The following KLHL7 variants were observed in gnomAD, a reference collection of about 807,000 sequenced individuals.
The protein encoded by KLHL7 is kelch like family member 7, also known as kelch-like protein 7.
A neutral mutation model predicts 67.4 loss-of-function variants in KLHL7; 44 were observed. The observed-to-expected ratio is 0.65, with a 90% CI of 0.51 to 0.84. The LOEUF is 0.84. Ranked by LOEUF, KLHL7 falls within the 40% of genes least tolerant of loss-of-function variation. KLHL7 has a pLI of 0.00. For missense variants in KLHL7, 362 were observed against 718.1 expected, an observed-to-expected ratio of 0.50 and a Z score of 5.67; for synonymous variants, 252 against 243.3, an observed-to-expected ratio of 1.04 and a Z score of -0.33.
intron 7 of KLHL7, among the ~76,000 whole-genome samples, chr7:23,163,329 C>G (rs1368451370): frequency 6.6e-6 from 1 of 152,030 alleles, no homozygotes; most frequent in Non-Finnish European, 1.5e-5. Flanking sequence ...TGCCACCATG[C>G]CCGGCTAATT....
chr7:23,109,748 T>G (rs963934737), intron 1 of KLHL7, among the ~76,000 whole-genome samples: 1 of 152,242 alleles, frequency 6.6e-6, no homozygotes, highest in Non-Finnish European at 1.5e-5. Context: ...TTAATAAGAC[T>G]TCTTGAGCAC....
intron 4 of KLHL7, among the ~76,000 whole-genome samples, chr7:23,136,294 G>C (rs1285920566): frequency 6.6e-6 from 1 of 152,200 alleles, no homozygotes; most frequent in East Asian, 1.9e-4. Flanking sequence ...TCTGAGAAAA[G>C]TATTAGAAGT....
At chr7:23,144,079 G>C in intron 6 of KLHL7, 54 bp downstream of exon 6, 1 of 1,444,032 alleles carries the variant, frequency 6.9e-7, no homozygotes, top group Non-Finnish European at 9.7e-7. Context: ...GTTTCTCATG[G>C]GCTTAAAACC....
chr7:23,166,396 A>G (rs1374855417), intron 8 of KLHL7, among the ~76,000 whole-genome samples: 1 of 152,140 alleles, frequency 6.6e-6, no homozygotes, highest in Non-Finnish European at 1.5e-5. Context: ...CTGTAGTGGT[A>G]TTTATGCTTA....
intron 1 of KLHL7, among the ~76,000 whole-genome samples, chr7:23,111,492 G>A (rs974972414): frequency 2.0e-5 from 3 of 152,160 alleles, no homozygotes; most frequent in African/African-American, 4.8e-5. Flanking sequence ...GCATGTGCAT[G>A]CATGTTTGTA....
At chr7:23,117,922 G>A (rs1451537987) in intron 1 of KLHL7, 1 of 1,613,984 alleles carries the variant, frequency 6.2e-7, no homozygotes, top group African/African-American at 1.3e-5. Flanking sequence ...TGCTGGGAGG[G>A]ACTGATTGCA....
rs1783517852 is a variant in KLHL7, at chr7:23,125,071, T to G, written c.341T>G (p.Val114Gly). 1 of 1,612,358 alleles carries G rather than the reference T, an allele frequency of 6.2e-7. No individual in the cohort carries two copies. Among genetic ancestry groups the G allele is most frequent in the Non-Finnish European group, 8.5e-7 (1 of 1,178,480 alleles). Residue 114 changes from valine to glycine, a missense_variant, in exon 4 of 11, where the codon GTT becomes GGT. Val to Gly is a moderately radical substitution (Grantham distance 109, BLOSUM62 -3). Around this residue, in one of 5 missense-constraint regions of KLHL7, gnomAD observed 155 missense variants for 280.8 expected, o/e 0.55. Transcript: ENST00000339077. ...TARISVNSNN[V>G]QSLLDAANQY... is the part of the protein sequence containing the mutation. Reference sequence around the variant, plus strand: ...AGAATTTCCGTGAATAGCAACAATGTTCAGTCTTTGCTGGATGCAGCAAAC... The same window carrying G: ...AGAATTTCCGTGAATAGCAACAATGGTCAGTCTTTGCTGGATGCAGCAAAC...
chr7:23,135,207 A>G (rs1783934593), intron 4 of KLHL7, among the ~76,000 whole-genome samples: 1 of 152,228 alleles, frequency 6.6e-6, no homozygotes, highest in Non-Finnish European at 1.5e-5. Flanking sequence ...ATTCAGGAGC[A>G]TACTGTATAA....
In KLHL7 at chr7:23,177,261, G is replaced by C. The variant is rs1459899319; in HGVS notation, c.*2963G>C. Reference sequence around the variant, plus strand: ...AAATGTGGCTAGTTTAATTTTTTGAGAGTGAAATATCCATTTATTATATTA... The same window carrying C: ...AAATGTGGCTAGTTTAATTTTTTGACAGTGAAATATCCATTTATTATATTA... On this transcript the variant is annotated 3_prime_UTR_variant, in exon 11 of 11. Coordinates refer to ENST00000339077, the MANE Select transcript of KLHL7 (RefSeq NM_001031710.3). 6.6e-6 allele frequency: 1 copy of C among 152,110 alleles called. No homozygotes were observed. The highest frequency in any genetic ancestry group is 1.5e-5 in the Non-Finnish European group (1 of 68,020). The allele number at this position is 152,110 out of a possible 1,614,324, so 9.4% of individuals were successfully genotyped here.
rs532416002 is a variant in KLHL7 at position 23,106,945 on chromosome 7, T to C, written c.120+799T>C. Among the ~76,000 whole-genome samples the C allele has an allele frequency of 4.6e-5, 7 of 152,056 alleles. No individual in the cohort carries two copies. The South Asian group carries it at 1.0e-3, about 23-fold the overall frequency. Reference sequence around the variant, plus strand: ...TATTTATAGATAATACACATCTAAGTAGATTTGTGGGAATGTTTGGGTTTT... The same window carrying C: ...TATTTATAGATAATACACATCTAAGCAGATTTGTGGGAATGTTTGGGTTTT... On this transcript the variant is annotated intron_variant, in intron 1 of 10. Transcript: ENST00000339077.
chr7:23,155,665 AAAC>A (rs1784681314), intron 7 of KLHL7, among the ~76,000 whole-genome samples: 1 of 147,322 alleles, frequency 6.8e-6, no homozygotes, highest in African/African-American at 2.5e-5. Flanking sequence ...GCAACCAAAA[AAAC>A]AAAACAAAAC....
chr7:23,153,436 C>A (rs1002277010), intron 7 of KLHL7, among the ~76,000 whole-genome samples: 2 of 152,150 alleles, frequency 1.3e-5, no homozygotes, highest in African/African-American at 4.8e-5. Flanking sequence ...CCTTTGGAAC[C>A]TCCGTAAGCC....
intron 7 of KLHL7, among the ~76,000 whole-genome samples, chr7:23,163,632 C>G (rs1784914568): frequency 6.6e-6 from 1 of 152,098 alleles, no homozygotes; most frequent in South Asian, 2.1e-4. Flanking sequence ...GGAAAGCAGT[C>G]TTGAGCTTAG....
intron 1 of KLHL7, among the ~76,000 whole-genome samples, chr7:23,119,608 C>A (rs1783245905): frequency 6.6e-6 from 1 of 152,214 alleles, no homozygotes. Flanking sequence ...TACACCATTA[C>A]AATATCCTAC....
intron 4 of KLHL7, among the ~76,000 whole-genome samples, chr7:23,132,229 A>G (rs1783828163): frequency 6.6e-6 from 1 of 152,176 alleles, no homozygotes; most frequent in Non-Finnish European, 1.5e-5. Context: ...GAAACCTCCA[A>G]GCTATTCTCC....
chr7:23,109,618 C>G (rs1452133687), intron 1 of KLHL7, among the ~76,000 whole-genome samples: 1 of 152,198 alleles, frequency 6.6e-6, no homozygotes, highest in African/African-American at 2.4e-5. Flanking sequence ...ACTGGGCTCA[C>G]CTTCCGGCTA....
intron 1 of KLHL7, among the ~76,000 whole-genome samples, chr7:23,119,778 AT>A (rs199822526): frequency 2.7e-5 from 4 of 148,910 alleles, no homozygotes; most frequent in Admixed American, 2.0e-4. Context: ...ATGACTTGGG[AT>A]TTTTTTTTCA....
intron 1 of KLHL7, among the ~76,000 whole-genome samples, chr7:23,107,975 T>A (rs1782713248): frequency 6.6e-6 from 1 of 152,230 alleles, no homozygotes; most frequent in South Asian, 2.1e-4. Context: ...CAAGGGCAGT[T>A]GATGGGAATT....
intron 7 of KLHL7, among the ~76,000 whole-genome samples, chr7:23,161,450 A>G (rs893116819): frequency 3.3e-5 from 5 of 152,242 alleles, no homozygotes; most frequent in African/African-American, 1.2e-4. Context: ...ATACTCCTGC[A>G]GTGAATTACC....
Sources: allele counts gnomAD v4.1 joint callset (sites outside exome capture counted in the v4.1 genomes callset), GRCh38; gene constraint gnomAD v4.1.1; regional missense constraint gnomAD v4.1.1; transcripts MANE v1.5; gene names NCBI Gene and HGNC (gene_info 2026-07-23, HGNC 2026-07-21).